CSMD1: variants seen among roughly 807,000 people sequenced by gnomAD.
The protein encoded by CSMD1 is CUB and Sushi multiple domains 1, also known as CUB and sushi domain-containing protein 1.
A neutral mutation model predicts 417.5 loss-of-function variants in CSMD1; 213 were observed. That is an observed-to-expected ratio of 0.51 (90% CI 0.46 to 0.57). The LOEUF is 0.57. Among genes scored for constraint, CSMD1 ranks in the 20% least tolerant of loss-of-function variants. The pLI is 0.00. For synonymous variants in CSMD1, 2,862 were observed against 1,736.8 expected (o/e 1.65, Z -16.11); for missense variants, 6,923 against 4,529.7 (o/e 1.53, Z -15.17).
intron 11 of CSMD1, among the ~76,000 whole-genome samples, chr8:3,482,089 A>C (rs1180017905): frequency 1.3e-5 from 2 of 152,236 alleles, no homozygotes; most frequent in African/African-American, 4.8e-5. Flanking sequence ...AACAAAACTT[A>C]ATAACCCTTA....
chr8:4,830,693 G>A (rs1800099281), intron 1 of CSMD1, among the ~76,000 whole-genome samples: 1 of 152,180 alleles, frequency 6.6e-6, no homozygotes, highest in Non-Finnish European at 1.5e-5. Context: ...TAATGCCAAT[G>A]GCAACACTGT....
Position 4,855,915 on chromosome 8 carries a change from G to A in CSMD1, c.85+138417C>T, listed in dbSNP as rs1484867515. On this transcript the variant is annotated intron_variant, in intron 1 of 69. Transcript: ENST00000635120. ...TTCAGATTCAGGAAATACAGAGAACGCCACAAAGATACTCCTCGAGAAGAG... is the reference window on the plus strand; with the variant it reads ...TTCAGATTCAGGAAATACAGAGAACACCACAAAGATACTCCTCGAGAAGAG... Among the ~76,000 whole-genome samples the A allele has an allele frequency of 2.7e-5, 4 of 149,464 alleles. No individual in the cohort carries two copies. The South Asian group carries it at 6.5e-4, about 24-fold the overall frequency.
At chr8:3,878,162 G>A (rs1053448560) in intron 5 of CSMD1, among the ~76,000 whole-genome samples, 5 of 151,866 alleles carry the variant, frequency 3.3e-5, no homozygotes, top group African/African-American at 1.2e-4. Context: ...TTTTTTGCAC[G>A]AGAGATTCAA....
At chr8:2,953,089 C>G (rs1294139812) in intron 65 of CSMD1, among the ~76,000 whole-genome samples, 3 of 151,886 alleles carry the variant, frequency 2.0e-5, no homozygotes, top group Non-Finnish European at 4.4e-5. Context: ...ATCTTAAACA[C>G]AAAATAAGCA....
intron 4 of CSMD1, among the ~76,000 whole-genome samples, chr8:4,000,623 G>C (rs979490328): frequency 6.6e-6 from 1 of 151,974 alleles, no homozygotes; most frequent in Non-Finnish European, 1.5e-5. Context: ...AAAGGGATGA[G>C]GTAAACAGGA....
At chr8:4,862,037 C>T (rs961224442) in intron 1 of CSMD1, among the ~76,000 whole-genome samples, 17 of 151,936 alleles carry the variant, frequency 1.1e-4, no homozygotes, top group African/African-American at 3.9e-4. Flanking sequence ...GGAGGGATTG[C>T]GTTTTAATAC....
intron 2 of CSMD1, among the ~76,000 whole-genome samples, chr8:4,502,268 C>A (rs184808690): frequency 3.3e-4 from 50 of 152,142 alleles, no homozygotes; most frequent in African/African-American, 1.1e-3. Context: ...CATTCTTGCA[C>A]TCGCATATCA....
intron 32 of CSMD1, 107 bp downstream of exon 32, chr8:3,201,505 G>T: frequency 1.9e-6 from 1 of 536,778 alleles, no homozygotes; most frequent in South Asian, 4.3e-5. Context: ...ATTCAAAAAT[G>T]ATTACATTTC....
rs373260632 is a variant in CSMD1, at chr8:3,756,170, G to A, written c.819-2128C>T. Among the ~76,000 whole-genome samples, 35 of 151,840 alleles carry A rather than the reference G, an allele frequency of 2.3e-4. No individual in the cohort carries two copies. In the South Asian group the frequency reaches 4.8e-3, roughly 21 times the overall value. On this transcript the variant is annotated intron_variant, in intron 5 of 69. Coordinates refer to ENST00000635120, the MANE Select transcript of CSMD1 (RefSeq NM_033225.6). Reference sequence around the variant, plus strand: ...AGGAGATCGAGACCATCATGGCAACGGTAAAACCCTGCCTCTACTAAAAAT... The same window carrying A: ...AGGAGATCGAGACCATCATGGCAACAGTAAAACCCTGCCTCTACTAAAAAT...
intron 10 of CSMD1, among the ~76,000 whole-genome samples, chr8:3,501,291 C>G (rs530243259): frequency 5.9e-5 from 9 of 152,114 alleles, no homozygotes; most frequent in Admixed American, 5.9e-4. Context: ...CATACACACA[C>G]ACCCCAAGAA....
intron 2 of CSMD1, among the ~76,000 whole-genome samples, chr8:4,448,289 A>G (rs1798935658): frequency 6.6e-6 from 1 of 152,206 alleles, no homozygotes; most frequent in Non-Finnish European, 1.5e-5. Flanking sequence ...TATAACACAA[A>G]AAAGGGTACA....
chr8:3,683,449 A>C (rs1374367003), intron 7 of CSMD1, among the ~76,000 whole-genome samples: 1 of 152,154 alleles, frequency 6.6e-6, no homozygotes, highest in Non-Finnish European at 1.5e-5. Flanking sequence ...GGGAATTCAG[A>C]ATTAGAATCC....
intron 3 of CSMD1, among the ~76,000 whole-genome samples, chr8:4,238,816 C>T (rs555184117): frequency 6.6e-5 from 10 of 152,258 alleles, no homozygotes; most frequent in Non-Finnish European, 4.4e-5. Context: ...AATGCTTTGG[C>T]CCACACTCAA....
intron 3 of CSMD1, among the ~76,000 whole-genome samples, chr8:4,199,250 C>T (rs1351924319): frequency 6.6e-6 from 1 of 152,170 alleles, no homozygotes; most frequent in African/African-American, 2.4e-5. Context: ...ATAGTGTGAA[C>T]ACGCTAAATT....
chr8:3,483,203 T>C (rs1252189818), intron 11 of CSMD1, among the ~76,000 whole-genome samples: 1 of 151,770 alleles, frequency 6.6e-6, no homozygotes, highest in Non-Finnish European at 1.5e-5. Flanking sequence ...ATAATATAAT[T>C]GATGAAGCTA....
At chr8:2,976,818 AT>A (rs371449268) in intron 55 of CSMD1, among the ~76,000 whole-genome samples, 141 of 151,562 alleles carry the variant, frequency 9.3e-4, no homozygotes, top group African/African-American at 3.0e-3. Flanking sequence ...AGTCAATCTG[AT>A]TTTTTTTTCA....
chr8:3,266,547 A>C (rs548542663), intron 26 of CSMD1, among the ~76,000 whole-genome samples: 56 of 142,372 alleles, frequency 3.9e-4, no homozygotes, highest in Non-Finnish European at 7.1e-4. Flanking sequence ...CAGAGGTTGC[A>C]GTGAGCCGAG....
chr8:3,926,051 TATACACACACACACACACACACAAACACC>T (rs1809655992), intron 5 of CSMD1, among the ~76,000 whole-genome samples: 5 of 76,612 alleles, frequency 6.5e-5, no homozygotes, highest in Admixed American at 6.0e-4. Flanking sequence ...ACAAACACCA[TATACACACACACACACACACACAAACACC>T]ATACACACAC....
chr8:4,611,570 T>G (rs1250233467), intron 2 of CSMD1, among the ~76,000 whole-genome samples: 1 of 152,206 alleles, frequency 6.6e-6, no homozygotes, highest in African/African-American at 2.4e-5. Flanking sequence ...CCAGAAGTGT[T>G]TACACTTCCC....
Sources: gnomAD v4.1 joint callset for allele counts (sites outside exome capture counted in the v4.1 genomes callset) on GRCh38, gnomAD v4.1.1 for gene constraint, MANE v1.5 for transcripts, NCBI Gene and HGNC (gene_info 2026-07-23, HGNC 2026-07-21) for gene names.